The following NT5C1B variants were observed in gnomAD, a reference collection of about 807,000 sequenced individuals.
NT5C1B encodes 5'-nucleotidase, cytosolic IB.
Under a neutral mutation model 57.8 loss-of-function variants are expected in NT5C1B, and 44 were observed. That is an observed-to-expected ratio of 0.76 (90% confidence interval 0.60 to 0.98). The LOEUF (loss-of-function observed/expected upper bound fraction) is 0.98, where lower values mean the gene tolerates loss of function less well. NT5C1B is among the 50% of genes least tolerant of loss of function. The pLI is 0.00. For missense variants in NT5C1B, 742 were observed against 719.5 expected (o/e 1.03, Z -0.36); for synonymous variants, 284 against 282.6 (o/e 1.00, Z -0.05).
At chr2:18,576,085 A>G (rs1187472126) in intron 8 of NT5C1B, 99 bp downstream of exon 8, 2 of 1,296,580 alleles carry the variant, frequency 1.5e-6, no homozygotes, top group African/African-American at 1.5e-5. Flanking sequence ...TGCCCTGCCT[A>G]GAATAACTTA....
At chr2:18,573,630 G>A (rs928812414) in intron 8 of NT5C1B, among the ~76,000 whole-genome samples, 1 of 151,990 alleles carries the variant, frequency 6.6e-6, no homozygotes, top group Admixed American at 6.6e-5. Flanking sequence ...TGTCCCATTT[G>A]CTGGTGAGTT....
intron 8 of NT5C1B, among the ~76,000 whole-genome samples, chr2:18,574,148 A>C (rs1665455271): frequency 6.6e-6 from 1 of 152,184 alleles, no homozygotes; most frequent in Admixed American, 6.5e-5. Flanking sequence ...AAGCTGGTTA[A>C]AAATGGGCAA....
At chr2:18,571,378 G>A (rs1358556648) in intron 8 of NT5C1B, among the ~76,000 whole-genome samples, 3 of 151,544 alleles carry the variant, frequency 2.0e-5, no homozygotes, top group East Asian at 3.9e-4. Flanking sequence ...ATAAATAATC[G>A]GACAGTAAGG....
chr2:18,564,216 A>G, intron 8 of NT5C1B, 97 bp from the exon 9 acceptor site: 1 of 1,334,678 alleles, frequency 7.5e-7, no homozygotes, highest in Non-Finnish European at 9.8e-7. Flanking sequence ...AATACAAAGG[A>G]TATAATACAG....
chr2:18,581,399 A>AAT (rs1666175372), intron 6 of NT5C1B, among the ~76,000 whole-genome samples: 2 of 152,214 alleles, frequency 1.3e-5, no homozygotes, highest in African/African-American at 4.8e-5. Flanking sequence ...GTAGTTATAT[A>AAT]AAGTATAGGA....
At chr2:18,570,220 T>A (rs1465942297) in intron 8 of NT5C1B, among the ~76,000 whole-genome samples, 1 of 152,074 alleles carries the variant, frequency 6.6e-6, no homozygotes, top group Non-Finnish European at 1.5e-5. Context: ...GAGGAAAATT[T>A]ATAGCATTAA....
rs3046807 is a variant in NT5C1B at position 18,568,087 on chromosome 2, G to GACACACACACAC, written c.1330-3980_1330-3969dup. Among the ~76,000 whole-genome samples, 222 of 142,700 alleles carry GACACACACACAC rather than the reference G, an allele frequency of 1.6e-3. 1 individual carries two copies. The highest frequency in any genetic ancestry group is 4.9e-3 in the East Asian group (23 of 4,732). 93.6% of individuals were successfully genotyped at this position (142,700 alleles called of 152,430 possible). ...AGAGCAGAGCATTGAAATGCTGTGG[G>GACACACACACAC]ACACACACACACACACACACACACA... On this transcript the variant is annotated intron_variant, in intron 8 of 8. Transcript: ENST00000304081.
At chr2:18,587,145 G>T (rs373286312) in intron 2 of NT5C1B, 3 of 1,613,792 alleles carry the variant, frequency 1.9e-6, no homozygotes, top group Non-Finnish European at 2.5e-6. Context: ...ACATCTCAGC[G>T]AGTGATTCGG....
chr2:18,574,975 C>A (rs1244797670), intron 8 of NT5C1B, among the ~76,000 whole-genome samples: 1 of 151,042 alleles, frequency 6.6e-6, no homozygotes, highest in Non-Finnish European at 1.5e-5. Flanking sequence ...AAATATAACT[C>A]AATAAAGCTG....
chr2:18,586,927 A>G (rs777795956), intron 2 of NT5C1B: 18 of 1,611,274 alleles, frequency 1.1e-5, no homozygotes, highest in South Asian at 2.2e-5. Context: ...TCTATTTGCC[A>G]TATTCTTCCC....
intron 2 of NT5C1B, chr2:18,586,949 T>A: frequency 1.9e-6 from 3 of 1,613,728 alleles, no homozygotes; most frequent in Non-Finnish European, 2.5e-6. Flanking sequence ...TCACCCAGGT[T>A]GTCTGTGGTT....
chr2:18,578,838 GA>G (rs1421200067), intron 6 of NT5C1B, among the ~76,000 whole-genome samples: 1 of 152,132 alleles, frequency 6.6e-6, no homozygotes, highest in East Asian at 1.9e-4. Flanking sequence ...AAAATAGAAA[GA>G]GAGGAAATCA....
At position 18,563,990 on chromosome 2, in the gene NT5C1B, G is replaced by A. The variant is rs777926079; in HGVS notation, c.1459C>T (p.Arg487Cys). ...CAGCGTCGAAGGGTCTTCAGCACAC[G>A]GGCGCCTGAACTGGCTGCACTCCTA... is the stretch of plus-strand genomic sequence containing the variant. Residue 487 changes from arginine to cysteine, a missense_variant, in exon 9 of 9, where the codon CGT (arginine) becomes TGT (cysteine). Arg to Cys is a radical substitution (Grantham distance 180). Transcript: ENST00000304081. The A allele has an allele frequency of 1.1e-5, 17 of 1,614,000 alleles. No homozygotes were observed. Among genetic ancestry groups the A allele is most frequent in the East Asian group, 6.7e-5 (3 of 44,894 alleles).
chr2:18,583,136 G>T, intron 5 of NT5C1B, 139 bp from the exon 6 acceptor site: 1 of 1,158,910 alleles, frequency 8.6e-7, no homozygotes, highest in Non-Finnish European at 1.2e-6. Context: ...CTTTAAGGAA[G>T]ATTTATCCCA....
intron 8 of NT5C1B, among the ~76,000 whole-genome samples, chr2:18,568,961 A>G (rs1664903598): frequency 6.6e-6 from 1 of 152,236 alleles, no homozygotes; most frequent in South Asian, 2.1e-4. Flanking sequence ...TGTGCCATGC[A>G]TGCGTATCCT....
chr2:18,574,807 T>A (rs1175596078), intron 8 of NT5C1B, among the ~76,000 whole-genome samples: 1 of 152,110 alleles, frequency 6.6e-6, no homozygotes, highest in Admixed American at 6.6e-5. Context: ...ATAGATCATA[T>A]GCTAAGTATT....
chr2:18,571,718 G>GTGTGTATA (rs1246189018), intron 8 of NT5C1B, among the ~76,000 whole-genome samples: 9 of 111,446 alleles, frequency 8.1e-5, no homozygotes, highest in African/African-American at 2.9e-4. Context: ...CTGTGTGTGT[G>GTGTGTATA]TATATATATA....
chr2:18,576,431 TA>T (rs879009035), intron 7 of NT5C1B, 63 bp from the exon 8 acceptor site: 5 of 1,518,138 alleles, frequency 3.3e-6, no homozygotes, highest in East Asian at 2.3e-5. Context: ...TTTCTACCAT[TA>T]AAAAAAACAA....
intron 6 of NT5C1B, 84 bp downstream of exon 6, chr2:18,582,784 G>A: frequency 6.5e-7 from 1 of 1,546,556 alleles, no homozygotes; most frequent in Non-Finnish European, 8.7e-7. Flanking sequence ...ACTGCATTTG[G>A]TTAAGCCACA....
Sources: allele counts gnomAD v4.1 joint callset (sites outside exome capture counted in the v4.1 genomes callset), GRCh38; gene constraint gnomAD v4.1.1; transcripts MANE v1.5; gene names NCBI Gene and HGNC (gene_info 2026-07-23, HGNC 2026-07-21).